The following THSD7B variants were observed in gnomAD, a reference collection of about 807,000 sequenced individuals.
THSD7B encodes the protein thrombospondin type-1 domain-containing protein 7B.
A neutral mutation model predicts 213.6 loss-of-function variants in THSD7B; 138 were observed. The ratio of observed to expected loss-of-function variants is 0.65; its 90% CI spans 0.56 to 0.74. THSD7B has a LOEUF of 0.74. Among genes scored for constraint, THSD7B ranks in the 30% least tolerant of loss-of-function variants. The pLI, the probability that THSD7B is intolerant of heterozygous loss-of-function variation, is 0.00. For missense variants in THSD7B, 1,931 were observed against 1,991.5 expected (o/e 0.97, Z 0.58); for synonymous variants, 742 against 687.0 (o/e 1.08, Z -1.25).
chr2:137,112,087 G>A (rs1183264333), intron 4 of THSD7B, among the ~76,000 whole-genome samples: 1 of 152,130 alleles, frequency 6.6e-6, no homozygotes, highest in East Asian at 1.9e-4. Flanking sequence ...AAAGGAGAAA[G>A]GGAGTAACGT....
At chr2:137,246,374 G>C (rs1222713753) in intron 10 of THSD7B, among the ~76,000 whole-genome samples, 1 of 152,120 alleles carries the variant, frequency 6.6e-6, no homozygotes, top group African/African-American at 2.4e-5. Context: ...TAATAGGTTT[G>C]TGATAACAAC....
At chr2:136,991,850 G>A (rs935349481) in intron 2 of THSD7B, among the ~76,000 whole-genome samples, 4 of 152,158 alleles carry the variant, frequency 2.6e-5, no homozygotes, top group East Asian at 1.9e-4. Context: ...AGAGTATTTT[G>A]TAATTCAGGT....
At chr2:137,659,626 A>G (rs1333053472) in intron 24 of THSD7B, 38 bp from the exon 25 acceptor site, 4 of 1,545,174 alleles carry the variant, frequency 2.6e-6, no homozygotes, top group East Asian at 2.4e-5. Flanking sequence ...AATATCTAAT[A>G]GAGAAATCTG....
chr2:137,063,255 G>A (rs1473212112), intron 3 of THSD7B, among the ~76,000 whole-genome samples: 1 of 151,802 alleles, frequency 6.6e-6, no homozygotes, highest in Non-Finnish European at 1.5e-5. Context: ...CTTTTAATTA[G>A]TGTATTTAGA....
At chr2:136,985,022 A>G (rs1176913264) in intron 2 of THSD7B, among the ~76,000 whole-genome samples, 5 of 152,156 alleles carry the variant, frequency 3.3e-5, no homozygotes, top group Non-Finnish European at 7.3e-5. Flanking sequence ...TAAGCAGCAA[A>G]GCATTCAAGA....
At chr2:137,175,873 G>A (rs1325991984) in intron 7 of THSD7B, among the ~76,000 whole-genome samples, 2 of 152,164 alleles carry the variant, frequency 1.3e-5, no homozygotes, top group East Asian at 1.9e-4. Flanking sequence ...ACCTGTGAGA[G>A]TAATGTCAGA....
intron 14 of THSD7B, among the ~76,000 whole-genome samples, chr2:137,448,919 T>A (rs1687596103): frequency 6.6e-6 from 1 of 152,178 alleles, no homozygotes; most frequent in East Asian, 1.9e-4. Context: ...GGACTTAGAT[T>A]TTACAGACAA....
chr2:137,453,450 C>A (rs916086786), intron 15 of THSD7B, among the ~76,000 whole-genome samples: 2 of 151,016 alleles, frequency 1.3e-5, no homozygotes, highest in African/African-American at 4.9e-5. Flanking sequence ...CTGCCTCAGC[C>A]TCCCATGTAG....
intron 12 of THSD7B, among the ~76,000 whole-genome samples, chr2:137,324,573 T>A (rs1281061856): frequency 6.6e-6 from 1 of 152,220 alleles, no homozygotes; most frequent in Admixed American, 6.6e-5. Flanking sequence ...TAAAGGGGTA[T>A]AAATTACATA....
In THSD7B at chr2:137,145,665, C is replaced by T. The variant is rs556876758; in HGVS notation, c.1370-14548C>T. Among the ~76,000 whole-genome samples the T allele has an allele frequency of 2.0e-5, 3 of 151,958 alleles. No individual in the cohort carries two copies. In the East Asian group the frequency reaches 5.8e-4, roughly 29 times the overall value. On this transcript the variant is annotated intron_variant, in intron 5 of 27. Transcript: ENST00000409968. ...TATCTGTGGGCTTCATCGATTTGAA[C>T]AAAACAGTATTTGTTAGAGCATCTC...
rs1472934598 is a variant in THSD7B, at chr2:137,459,690, TA to T, written c.3138+8672del. 2.0e-5 allele frequency among the ~76,000 whole-genome samples: 3 copies of T among 151,816 alleles called. No homozygotes were observed. In the East Asian group the frequency reaches 5.8e-4, roughly 29 times the overall value. ...TAAAGAAAAAAAAAAAGATTCAAGA[TA>T]AAAATAATAATCTCTCTAAGGAACC... On this transcript the variant is annotated intron_variant, in intron 15 of 27. Transcript: ENST00000409968.
intron 17 of THSD7B, among the ~76,000 whole-genome samples, chr2:137,604,541 G>A (rs1021725578): frequency 2.6e-5 from 4 of 152,100 alleles, no homozygotes; most frequent in Non-Finnish European, 5.9e-5. Flanking sequence ...TATCCTAGAA[G>A]TCCTCTTTTG....
At chr2:137,268,461 T>C (rs1481587200) in intron 10 of THSD7B, among the ~76,000 whole-genome samples, 1 of 152,118 alleles carries the variant, frequency 6.6e-6, no homozygotes, top group East Asian at 1.9e-4. Context: ...GCTTAATCCA[T>C]GTTATTATTT....
intron 10 of THSD7B, among the ~76,000 whole-genome samples, chr2:137,265,181 T>C (rs1158932181): frequency 2.2e-4 from 33 of 152,196 alleles, no homozygotes; most frequent in Non-Finnish European, 1.0e-4. Flanking sequence ...GGCTGCATAG[T>C]ATTCCATGGT....
At chr2:137,299,547 C>T (rs1683549376) in intron 12 of THSD7B, among the ~76,000 whole-genome samples, 1 of 151,930 alleles carries the variant, frequency 6.6e-6, no homozygotes, top group African/African-American at 2.4e-5. Context: ...AATTTTATTT[C>T]CCAGAATTCT....
intron 2 of THSD7B, among the ~76,000 whole-genome samples, chr2:136,984,549 GGTGCCATGCAT>G (rs1685638679): frequency 6.6e-6 from 1 of 152,094 alleles, no homozygotes; most frequent in Non-Finnish European, 1.5e-5. Flanking sequence ...AGCAGATGTT[GGTGCCATGCAT>G]GTATAGCCTG....
chr2:136,807,509 GTTTTT>G (rs777353589), intron 1 of THSD7B, among the ~76,000 whole-genome samples: 1 of 104,888 alleles, frequency 9.5e-6, no homozygotes, highest in Admixed American at 1.1e-4. Flanking sequence ...AAAATGTTTC[GTTTTT>G]TTTTTTTTTT....
intron 12 of THSD7B, among the ~76,000 whole-genome samples, chr2:137,316,719 C>G (rs533612396): frequency 6.8e-6 from 1 of 146,808 alleles, no homozygotes; most frequent in South Asian, 2.1e-4. Flanking sequence ...GATGGTGCCA[C>G]TGCACTCCAG....
At chr2:137,287,708 T>C (rs1289878485) in intron 12 of THSD7B, among the ~76,000 whole-genome samples, 1 of 152,112 alleles carries the variant, frequency 6.6e-6, no homozygotes, top group African/African-American at 2.4e-5. Context: ...CCCTTTCTTG[T>C]ACCTCCACTG....
Sources: gnomAD v4.1 joint callset for allele counts (sites outside exome capture counted in the v4.1 genomes callset) on GRCh38, gnomAD v4.1.1 for gene constraint, MANE v1.5 for transcripts, NCBI Gene and HGNC (gene_info 2026-07-23, HGNC 2026-07-21) for gene names.